AGBL1: variants seen among roughly 807,000 people sequenced by gnomAD.
AGBL1 encodes AGBL carboxypeptidase 1.
Under a neutral mutation model 118.9 loss-of-function variants are expected in AGBL1, and 130 were observed. That is an observed-to-expected ratio of 1.09 (90% CI 0.95 to 1.26). The LOEUF (loss-of-function observed/expected upper bound fraction) is 1.26, where lower values mean the gene tolerates loss of function less well. Ranked by LOEUF, AGBL1 falls within the 50% of genes most tolerant of loss-of-function variation. The pLI is 0.00. For missense variants in AGBL1, 1,584 were observed against 1,298.1 expected (o/e 1.22, Z -3.38); for synonymous variants, 555 against 478.9 (o/e 1.16, Z -2.08).
At chr15:86,944,243 G>T (rs2080789695) in intron 23 of AGBL1, among the ~76,000 whole-genome samples, 1 of 152,060 alleles carries the variant, frequency 6.6e-6, no homozygotes, top group Non-Finnish European at 1.5e-5. Context: ...GGTGGCACAT[G>T]CCTGTAGTCC....
At chr15:86,103,362 T>C (rs1231049668) in intron 1 of AGBL1, among the ~76,000 whole-genome samples, 1 of 152,226 alleles carries the variant, frequency 6.6e-6, no homozygotes, top group African/African-American at 2.4e-5. Context: ...CTTTTTATTG[T>C]AATCTGTTGC....
At chr15:86,386,636 C>G (rs745802079) in intron 17 of AGBL1, among the ~76,000 whole-genome samples, 1 of 152,010 alleles carries the variant, frequency 6.6e-6, no homozygotes, top group Non-Finnish European at 1.5e-5. Flanking sequence ...GTCACCTCCT[C>G]AAAGAGCCTT....
intron 18 of AGBL1, among the ~76,000 whole-genome samples, chr15:86,433,595 C>T (rs1269195472): frequency 6.6e-6 from 1 of 152,134 alleles, no homozygotes; most frequent in Non-Finnish European, 1.5e-5. Flanking sequence ...AGGGTCTCTA[C>T]TTTTAAAGCC....
intron 19 of AGBL1, among the ~76,000 whole-genome samples, chr15:86,523,541 A>AGCATAGTAG (rs370273933): frequency 1.1e-3 from 160 of 152,270 alleles, no homozygotes; most frequent in African/African-American, 3.7e-3. Context: ...GCAAACCCCC[A>AGCATAGTAG]GCGTAGTAGT....
rs545949902 is a variant in AGBL1, at chr15:86,836,520, C to G, written c.3159-70567C>G. ...TTCAGATTCTACTTTTTCTCAGGTC[C>G]TCCAACAGTCTGTTCTCACCCCAAG... On this transcript the variant is annotated intron_variant, in intron 22 of 22. Coordinates refer to ENST00000614907, the MANE Select transcript of AGBL1 (RefSeq NM_001386094.1). Among the ~76,000 whole-genome samples, 489 of 152,264 alleles carry G rather than the reference C, an allele frequency of 3.2e-3. 3 individuals carry two copies. The highest frequency in any genetic ancestry group is 5.4e-3 in the Non-Finnish European group (368 of 68,030).
At chr15:86,389,522 A>G (rs887140204) in intron 17 of AGBL1, among the ~76,000 whole-genome samples, 1 of 152,222 alleles carries the variant, frequency 6.6e-6, no homozygotes, top group Admixed American at 6.5e-5. Context: ...AAGAAACACT[A>G]AAAGGTGAGT....
At chr15:86,438,137 AC>A (rs1207061782) in intron 18 of AGBL1, among the ~76,000 whole-genome samples, 2 of 151,596 alleles carry the variant, frequency 1.3e-5, no homozygotes, top group African/African-American at 4.8e-5. Flanking sequence ...CCAACTCCTG[AC>A]CTCATGATCC....
chr15:86,698,157 G>A (rs912809766), intron 22 of AGBL1, among the ~76,000 whole-genome samples: 1 of 151,818 alleles, frequency 6.6e-6, no homozygotes, highest in African/African-American at 2.4e-5. Context: ...AACTGATTAT[G>A]CCACAATTTG....
chr15:86,392,810 G>T (rs1050827907), intron 17 of AGBL1, among the ~76,000 whole-genome samples: 1 of 152,004 alleles, frequency 6.6e-6, no homozygotes, highest in Non-Finnish European at 1.5e-5. Flanking sequence ...AGACTATGGT[G>T]GTCACTGAAA....
At chr15:86,813,084 AGAAG>A (rs1330409442) in intron 22 of AGBL1, among the ~76,000 whole-genome samples, 1 of 152,080 alleles carries the variant, frequency 6.6e-6, no homozygotes, top group East Asian at 1.9e-4. Flanking sequence ...GGGAGATGAA[AGAAG>A]GAAGGAAGAT....
intron 6 of AGBL1, among the ~76,000 whole-genome samples, chr15:86,233,311 C>T (rs1274398670): frequency 6.6e-6 from 1 of 151,788 alleles, no homozygotes; most frequent in East Asian, 1.9e-4. Flanking sequence ...CACTTGACTT[C>T]AGTTTGGTTT....
At chr15:86,201,780 G>A (rs1342475860) in intron 5 of AGBL1, among the ~76,000 whole-genome samples, 2 of 152,176 alleles carry the variant, frequency 1.3e-5, no homozygotes, top group Non-Finnish European at 1.5e-5. Context: ...AATCATTTAT[G>A]TGGAGCTTCA....
intron 23 of AGBL1, among the ~76,000 whole-genome samples, chr15:86,981,828 C>A (rs2081234450): frequency 6.6e-6 from 1 of 152,122 alleles, no homozygotes; most frequent in African/African-American, 2.4e-5. Context: ...AAACCATCAG[C>A]TTTGTAAAGA....
rs562333742 is a variant in AGBL1 at position 86,150,435 on chromosome 15, A to C, written c.263-3995A>C. 9.8e-5 allele frequency among the ~76,000 whole-genome samples: 15 copies of C among 152,346 alleles called. No individual in the cohort carries two copies. In the South Asian group the frequency reaches 2.9e-3, roughly 29 times the overall value. On this transcript the variant is annotated intron_variant, in intron 3 of 22. Coordinates refer to ENST00000614907, the MANE Select transcript of AGBL1 (RefSeq NM_001386094.1). ...AAATAGATGCAATAAAAAGTGATAA[A>C]GGGGATATCACCACCAATCCCACAG...
At chr15:87,026,718 A>C (rs1176372149) in intron 24 of AGBL1, among the ~76,000 whole-genome samples, 1 of 152,092 alleles carries the variant, frequency 6.6e-6, no homozygotes, top group Non-Finnish European at 1.5e-5. Context: ...TTGCAATTGC[A>C]AAAATGTGGA....
chr15:86,741,580 C>T (rs1252354445), intron 22 of AGBL1, among the ~76,000 whole-genome samples: 1 of 151,694 alleles, frequency 6.6e-6, no homozygotes, highest in East Asian at 1.9e-4. Flanking sequence ...CATAGTTCTG[C>T]ATGTTGATGA....
intron 23 of AGBL1, among the ~76,000 whole-genome samples, chr15:86,977,257 A>T (rs924698259): frequency 2.0e-5 from 3 of 151,952 alleles, no homozygotes; most frequent in Non-Finnish European, 4.4e-5. Flanking sequence ...CAAATCTTAT[A>T]TATATTTGAC....
At chr15:86,550,953 G>C (rs2083655993) in intron 20 of AGBL1, among the ~76,000 whole-genome samples, 1 of 151,728 alleles carries the variant, frequency 6.6e-6, no homozygotes, top group Non-Finnish European at 1.5e-5. Flanking sequence ...CTGATTATTT[G>C]GAAATTAAAC....
chr15:86,488,637 C>T (rs578247916), intron 18 of AGBL1, among the ~76,000 whole-genome samples: 5 of 152,048 alleles, frequency 3.3e-5, no homozygotes, highest in Admixed American at 3.3e-4. Flanking sequence ...TGACACATCC[C>T]CTCACTCCCT....
Sources: gnomAD v4.1 joint callset for allele counts (sites outside exome capture counted in the v4.1 genomes callset) on GRCh38, gnomAD v4.1.1 for gene constraint, MANE v1.5 for transcripts, NCBI Gene and HGNC (gene_info 2026-07-23, HGNC 2026-07-21) for gene names.